Variants in CREB1 observed in about 807,000 individuals in gnomAD.
CREB1 encodes the protein cyclic AMP-responsive element-binding protein 1.
CREB1 carries 2 observed loss-of-function variants against 42.0 expected under a neutral mutation model. The ratio of observed to expected loss-of-function variants is 0.05; its 90% confidence interval spans 0.02 to 0.15. The LOEUF is 0.15. Among genes scored for constraint, CREB1 ranks in the 10% least tolerant of loss-of-function variants. The pLI, the probability that CREB1 is intolerant of heterozygous loss-of-function variation, is 1.00. For missense variants in CREB1, 199 were observed against 388.9 expected, an observed-to-expected ratio of 0.51 and a Z score of 4.11; for synonymous variants, 123 against 139.9, an observed-to-expected ratio of 0.88 and a Z score of 0.85.
chr2:207,540,693 A>C, intron 1 of CREB1, among the ~76,000 whole-genome samples: 1 of 150,124 alleles, frequency 6.7e-6, no homozygotes, highest in Middle Eastern at 3.4e-3. Context: ...AAAAAAAAAA[A>C]AAAAGGAAAA....
rs752310037 is a variant in CREB1 at position 207,597,580 on chromosome 2, T to C, written c.*522T>C. On this transcript the variant is annotated 3_prime_UTR_variant, in exon 8 of 8. Coordinates refer to ENST00000353267, the MANE Select transcript of CREB1 (RefSeq NM_004379.5). The stretch of plus-strand genomic sequence containing the variant: ...TAAAGTTGTTAAGAGACATACCCTC[T>C]AAAAAAGAACTTTAGCATGGTATTG... 68 of 209,210 alleles carry C rather than the reference T, an allele frequency of 3.3e-4. No homozygotes were observed. Among genetic ancestry groups the C allele is most frequent in the Non-Finnish European group, 5.8e-5 (6 of 102,748 alleles). 13.0% of individuals were successfully genotyped at this position (209,210 alleles called of 1,614,324 possible). A position where few individuals can be genotyped will look rare whatever the true frequency, so the allele number is the denominator to read the frequency against.
At chr2:207,563,679 C>T (rs773170360) in intron 3 of CREB1, among the ~76,000 whole-genome samples, 2 of 152,214 alleles carry the variant, frequency 1.3e-5, no homozygotes, top group Non-Finnish European at 2.9e-5. Context: ...CTCCGTGGCT[C>T]ATTCCTGTAA....
intron 1 of CREB1, among the ~76,000 whole-genome samples, chr2:207,547,676 A>G (rs1373866473): frequency 2.6e-5 from 4 of 152,032 alleles, no homozygotes; most frequent in Non-Finnish European, 5.9e-5. Context: ...AATATTGCAT[A>G]GTCGTGGCTG....
In CREB1 at chr2:207,604,203, A is replaced by T. The variant is rs1284399773; in HGVS notation, c.*7145A>T. 6.6e-6 allele frequency among the ~76,000 whole-genome samples: 1 copy of T among 152,234 alleles called. No homozygotes were observed. Among genetic ancestry groups the T allele is most frequent in the Non-Finnish European group, 1.5e-5 (1 of 68,042 alleles). On this transcript the variant is annotated 3_prime_UTR_variant, in exon 8 of 8. Transcript: ENST00000353267. ...ATCTTGTCATTTGACCAGGCACTGA[A>T]GTGACAAGACCATCCTTGAGAAGTC...
chr2:207,587,348 G>A (rs1483004538), intron 7 of CREB1, among the ~76,000 whole-genome samples: 4 of 148,788 alleles, frequency 2.7e-5, no homozygotes, highest in African/African-American at 5.0e-5. Flanking sequence ...AGCCGAGATC[G>A]CACCACCGCA....
chr2:207,549,342 T>C (rs2081412881), intron 1 of CREB1, among the ~76,000 whole-genome samples: 1 of 152,032 alleles, frequency 6.6e-6, no homozygotes, highest in South Asian at 2.1e-4. Context: ...AAGTTTCCAG[T>C]ATTGATTAGA....
At chr2:207,538,955 A>C (rs769174548) in intron 1 of CREB1, among the ~76,000 whole-genome samples, 10 of 152,158 alleles carry the variant, frequency 6.6e-5, no homozygotes, top group Non-Finnish European at 1.5e-4. Context: ...CTGTTGGTAT[A>C]AGTAAGTAGT....
At chr2:207,560,927 G>C (rs1453703184) in intron 3 of CREB1, among the ~76,000 whole-genome samples, 1 of 152,094 alleles carries the variant, frequency 6.6e-6, no homozygotes, top group Non-Finnish European at 1.5e-5. Flanking sequence ...TCTTTGGAGA[G>C]ATCTTTCCTT....
intron 7 of CREB1, among the ~76,000 whole-genome samples, chr2:207,588,652 C>T (rs2106636108): frequency 6.7e-6 from 1 of 150,322 alleles, no homozygotes; most frequent in African/African-American, 2.4e-5. Flanking sequence ...ATTCCATGAA[C>T]ACAATATAAT....
intron 5 of CREB1, chr2:207,571,633 A>G (rs868396741): frequency 5.3e-6 from 2 of 379,740 alleles, no homozygotes; most frequent in Middle Eastern, 1.3e-3. Flanking sequence ...CTGTACGTGT[A>G]TGTGTATTAT....
intron 7 of CREB1, among the ~76,000 whole-genome samples, chr2:207,593,468 T>G (rs1257250773): frequency 6.6e-6 from 1 of 152,212 alleles, no homozygotes; most frequent in African/African-American, 2.4e-5. Context: ...AGGTCAAGGC[T>G]GCAGTGAGCC....
chr2:207,596,852 T>G, intron 7 of CREB1, 62 bp from the exon 8 acceptor site: 2 of 1,555,270 alleles, frequency 1.3e-6, no homozygotes, highest in Non-Finnish European at 1.7e-6. Context: ...AAAAAAAAGG[T>G]AATCCAAAAT....
intron 7 of CREB1, among the ~76,000 whole-genome samples, chr2:207,587,799 G>T (rs867585465): frequency 1.6e-4 from 25 of 152,202 alleles, no homozygotes; most frequent in African/African-American, 5.1e-4. Flanking sequence ...GGAAGGGAAG[G>T]TGAGATAGGG....
intron 7 of CREB1, among the ~76,000 whole-genome samples, chr2:207,588,087 A>G (rs1346238628): frequency 1.3e-5 from 2 of 152,186 alleles, no homozygotes; most frequent in African/African-American, 4.8e-5. Flanking sequence ...ATGTCAACTA[A>G]AAATAAAAAG....
Position 207,599,813 on chromosome 2 carries a change from A to G in CREB1, c.*2755A>G, listed in dbSNP as rs1204866347. 2 of 196,060 alleles carry G rather than the reference A, an allele frequency of 1.0e-5. No individual in the cohort carries two copies. Among genetic ancestry groups the G allele is most frequent in the East Asian group, 8.0e-5 (1 of 12,548 alleles). The allele number at this position is 196,060 out of a possible 1,614,324, so 12.1% of individuals were successfully genotyped here. On this transcript the variant is annotated 3_prime_UTR_variant, in exon 8 of 8. Transcript: ENST00000353267. ...TGTAGCCAAGAACATATGTGGCCAC[A>G]TTACCAGTAATAAATGTTTTTCTCT...
At chr2:207,570,144 A>T in intron 4 of CREB1, 35 bp from the exon 5 acceptor site, 1 of 1,511,586 alleles carries the variant, frequency 6.6e-7, no homozygotes, top group Non-Finnish European at 9.0e-7. Flanking sequence ...AATTGTACTT[A>T]TATTTTTAAT....
intron 1 of CREB1, among the ~76,000 whole-genome samples, chr2:207,538,559 A>C (rs1313041653): frequency 6.6e-6 from 1 of 152,208 alleles, no homozygotes; most frequent in Non-Finnish European, 1.5e-5. Flanking sequence ...TGATTCTAGG[A>C]TCTCTAAAAA....
intron 1 of CREB1, among the ~76,000 whole-genome samples, chr2:207,536,681 G>T (rs2080885479): frequency 6.6e-6 from 1 of 152,034 alleles, no homozygotes; most frequent in Non-Finnish European, 1.5e-5. Context: ...ACTAATATTT[G>T]ATTTAAAATA....
At chr2:207,580,442 T>G (rs142868446) in intron 7 of CREB1, among the ~76,000 whole-genome samples, 1 of 152,262 alleles carries the variant, frequency 6.6e-6, no homozygotes, top group East Asian at 1.9e-4. Context: ...TAAAAGAAAT[T>G]TATACCAGCA....
Sources: allele counts gnomAD v4.1 joint callset (sites outside exome capture counted in the v4.1 genomes callset), GRCh38; gene constraint gnomAD v4.1.1; transcripts MANE v1.5; gene names NCBI Gene and HGNC (gene_info 2026-07-23, HGNC 2026-07-21).